The following FMN2 variants were observed in gnomAD, a reference collection of about 807,000 sequenced individuals.
FMN2 encodes the protein formin 2.
FMN2 carries 51 observed loss-of-function variants against 142.3 expected under a neutral mutation model. The ratio of observed to expected loss-of-function variants is 0.36; its 90% CI spans 0.29 to 0.45. The LOEUF is 0.45. Ranked by LOEUF, FMN2 falls within the 20% of genes least tolerant of loss-of-function variation. The pLI is 1.00. For missense variants in FMN2, 1,936 were observed against 2,122.8 expected, an observed-to-expected ratio of 0.91 and a Z score of 1.73; for synonymous variants, 882 against 869.8, an observed-to-expected ratio of 1.01 and a Z score of -0.25.
intron 1 of FMN2, among the ~76,000 whole-genome samples, chr1:240,111,753 G>C (rs76475230): frequency 6.6e-6 from 1 of 151,980 alleles, no homozygotes; most frequent in African/African-American, 2.4e-5. Context: ...AGTAGGTCTC[G>C]GTCTCATTTT....
intron 1 of FMN2, among the ~76,000 whole-genome samples, chr1:240,099,915 C>T (rs961495581): frequency 1.3e-5 from 2 of 152,158 alleles, no homozygotes; most frequent in Admixed American, 1.3e-4. Flanking sequence ...CATCTCCTCT[C>T]CTACTAATCT....
At chr1:240,096,135 T>A (rs919541708) in intron 1 of FMN2, among the ~76,000 whole-genome samples, 1 of 152,180 alleles carries the variant, frequency 6.6e-6, no homozygotes, top group Non-Finnish European at 1.5e-5. Flanking sequence ...CTGTGATTCA[T>A]TCAGAGGCAG....
chr1:240,367,908 T>C (rs1336558106), intron 14 of FMN2, among the ~76,000 whole-genome samples: 2 of 152,194 alleles, frequency 1.3e-5, no homozygotes, highest in Non-Finnish European at 2.9e-5. Context: ...TTTTTATCTA[T>C]GATCTGCAAT....
intron 15 of FMN2, among the ~76,000 whole-genome samples, chr1:240,426,167 C>A (rs1346971098): frequency 1.3e-5 from 2 of 152,094 alleles, no homozygotes; most frequent in South Asian, 2.1e-4. Flanking sequence ...ATTACTAGCA[C>A]CTCTTTTGGT....
chr1:240,442,556 A>C lies in FMN2; in HGVS notation c.5060+4346A>C, dbSNP rs187114430. On this transcript the variant is annotated intron_variant, in intron 16 of 17. Transcript: ENST00000319653. ...CAAAATGTCTTAGCATGGTAGAAATAACCTGAAAGATGGTGTTAATGGTGT... is the reference window on the plus strand; with the variant it reads ...CAAAATGTCTTAGCATGGTAGAAATCACCTGAAAGATGGTGTTAATGGTGT... Among the ~76,000 whole-genome samples, 185 of 152,362 alleles carry C rather than the reference A, an allele frequency of 1.2e-3. 1 individual carries two copies. Among genetic ancestry groups the C allele is most frequent in the African/African-American group, 4.3e-3 (177 of 41,592 alleles).
At chr1:240,381,238 A>G (rs944701154) in intron 14 of FMN2, among the ~76,000 whole-genome samples, 57 of 152,206 alleles carry the variant, frequency 3.7e-4, no homozygotes, top group African/African-American at 1.4e-3. Flanking sequence ...ACACAGGGGT[A>G]TATCTCTGAT....
chr1:240,330,553 A>G (rs778268853), intron 10 of FMN2, 50 bp from the exon 11 acceptor site: 1 of 1,585,046 alleles, frequency 6.3e-7, no homozygotes, highest in Non-Finnish European at 8.5e-7. Flanking sequence ...GATTCAAACA[A>G]AACCTGGTAT....
chr1:240,093,997 T>A (rs1412229586), intron 1 of FMN2, among the ~76,000 whole-genome samples: 1 of 152,226 alleles, frequency 6.6e-6, no homozygotes, highest in Admixed American at 6.5e-5. Flanking sequence ...CCAAAATACC[T>A]GCTATTCACA....
rs180919987 is a variant in FMN2, at chr1:240,262,885, C to T, written c.4153+4853C>T. On this transcript the variant is annotated intron_variant, in intron 7 of 17. Coordinates refer to ENST00000319653, the MANE Select transcript of FMN2 (RefSeq NM_020066.5). Reference sequence around the variant, plus strand: ...AAGCAATTCTTATCCCTCAGCCCCCCGAGTAGCTGGGATTACAGCCACCTG... The same window carrying T: ...AAGCAATTCTTATCCCTCAGCCCCCTGAGTAGCTGGGATTACAGCCACCTG... Among the ~76,000 whole-genome samples the T allele has an allele frequency of 5.2e-3, 790 of 151,784 alleles. 3 individuals are homozygous for T. The highest frequency in any genetic ancestry group is 0.015 in the South Asian group (74 of 4,786).
At chr1:240,215,323 T>C (rs1229921736) in intron 6 of FMN2, among the ~76,000 whole-genome samples, 3 of 152,318 alleles carry the variant, frequency 2.0e-5, no homozygotes, top group Middle Eastern at 6.8e-3. Context: ...TTATATCAGC[T>C]CATATAATGC....
chr1:240,298,064 C>T (rs1401309517), intron 8 of FMN2, among the ~76,000 whole-genome samples: 1 of 152,172 alleles, frequency 6.6e-6, no homozygotes, highest in Non-Finnish European at 1.5e-5. Context: ...AGGTTTCAAC[C>T]TATGGAACTG....
intron 2 of FMN2, chr1:240,177,711 A>T (rs1664976705): frequency 2.8e-6 from 1 of 360,850 alleles, no homozygotes; most frequent in African/African-American, 2.1e-5. Flanking sequence ...AGTTGAGGCA[A>T]ATGTGGTTAT....
At position 240,258,011 on chromosome 1, in the gene FMN2, G is replaced by C; in HGVS notation, c.4132G>C (p.Asp1378His). 2 of 1,611,902 alleles carry C rather than the reference G, an allele frequency of 1.2e-6. No individual in the cohort carries two copies. The highest frequency in any genetic ancestry group is 1.1e-5 in the South Asian group (1 of 90,390). The change falls in exon 7 of 18, where the codon GAT becomes CAT. Residue 1378 changes from aspartate (D) to histidine (H), a missense_variant. By Grantham distance (81) the Asp-to-His change is moderately conservative. This residue lies in a region of FMN2 where 322 missense variants were observed against 401.6 expected (regional missense o/e 0.80). Transcript: ENST00000319653. ...AATACTAATGTCTAGCCTTCATTTA[G>C]ATATGAAAGACATACAACATGGTAA... ...VGILMSSLHL[D>H]MKDIQHAVVN...
In FMN2 at chr1:240,389,723, G is replaced by A. The variant is rs139450630; in HGVS notation, c.4859-2788G>A. Among the ~76,000 whole-genome samples, 12 of 152,216 alleles carry A rather than the reference G, an allele frequency of 7.9e-5. No homozygotes were observed. The East Asian group carries it at 1.7e-3, about 22-fold the overall frequency. ...TCTCAACACTTTGAGAGACCGAGACGGAAGGATTGCTTGAGCCTCGGAGTC... is the reference window on the plus strand; with the variant it reads ...TCTCAACACTTTGAGAGACCGAGACAGAAGGATTGCTTGAGCCTCGGAGTC... On this transcript the variant is annotated intron_variant, in intron 14 of 17. Coordinates refer to ENST00000319653, the MANE Select transcript of FMN2 (RefSeq NM_020066.5).
chr1:240,218,011 G>A (rs1217594694), intron 6 of FMN2, among the ~76,000 whole-genome samples: 1 of 152,028 alleles, frequency 6.6e-6, no homozygotes, highest in African/African-American at 2.4e-5. Flanking sequence ...TGGGCTGGGC[G>A]CAGTGGCTCA....
chr1:240,331,813 C>T (rs1281189461), intron 11 of FMN2, among the ~76,000 whole-genome samples: 2 of 152,132 alleles, frequency 1.3e-5, no homozygotes, highest in African/African-American at 2.4e-5. Context: ...GAACACTTAC[C>T]TCAGCCTACA....
Position 240,299,937 on chromosome 1 carries a change from C to T in FMN2, c.4215+5054C>T, listed in dbSNP as rs576050274. On this transcript the variant is annotated intron_variant, in intron 8 of 17. Transcript: ENST00000319653. Reference sequence around the variant, plus strand: ...CAAGACTAGTAGGAATAAGGTGGCGCGCTGTATGAAGGCACATTTGTGGTG... The same window carrying T: ...CAAGACTAGTAGGAATAAGGTGGCGTGCTGTATGAAGGCACATTTGTGGTG... Among the ~76,000 whole-genome samples the T allele has an allele frequency of 1.6e-4, 24 of 152,258 alleles. No individual in the cohort carries two copies. The Middle Eastern group carries it at 0.01, about 65-fold the overall frequency.
intron 6 of FMN2, among the ~76,000 whole-genome samples, chr1:240,254,881 G>C (rs1668399685): frequency 6.6e-6 from 1 of 152,148 alleles, no homozygotes; most frequent in Non-Finnish European, 1.5e-5. Flanking sequence ...ATGCAGTCTG[G>C]TGGGGGCTGA....
chr1:240,243,143 A>G (rs990091896), intron 6 of FMN2, among the ~76,000 whole-genome samples: 8 of 152,038 alleles, frequency 5.3e-5, no homozygotes, highest in Non-Finnish European at 1.2e-4. Context: ...AAAAAAAACC[A>G]AAAAACAAAA....
Sources: gnomAD v4.1 joint callset for allele counts (sites outside exome capture counted in the v4.1 genomes callset) on GRCh38, gnomAD v4.1.1 for gene constraint, gnomAD v4.1.1 regional missense constraint, MANE v1.5 for transcripts, NCBI Gene and HGNC (gene_info 2026-07-23, HGNC 2026-07-21) for gene names.